Variants in LMF1 observed in about 807,000 individuals in gnomAD.
LMF1 encodes lipase maturation factor 1.
LMF1 carries 68 observed loss-of-function variants against 60.6 expected under a neutral mutation model. The ratio of observed to expected loss-of-function variants is 1.12; its 90% CI spans 0.92 to 1.37. The LOEUF (loss-of-function observed/expected upper bound fraction) is 1.37, where lower values mean the gene tolerates loss of function less well. Among genes scored for constraint, LMF1 ranks in the 40% most tolerant of loss-of-function variants. The pLI is 0.00. For synonymous variants in LMF1, 418 were observed against 324.7 expected, an observed-to-expected ratio of 1.29 and a Z score of -3.09; for missense variants, 948 against 767.2, an observed-to-expected ratio of 1.24 and a Z score of -2.78.
At position 946,077 on chromosome 16, in the gene LMF1, T is replaced by G. The variant is rs1234102330; in HGVS notation, c.503+8280A>C. ...AGTTCACCCCAAAACAAGCTAATGG[T>G]GGACACAGAGTTCACCAAGAAGTCA... On this transcript the variant is annotated intron_variant, in intron 2 of 10. Coordinates refer to ENST00000262301, the MANE Select transcript of LMF1 (RefSeq NM_022773.4). 2.6e-5 allele frequency among the ~76,000 whole-genome samples: 4 copies of G among 152,198 alleles called. 1 individual carries two copies. The highest frequency in any genetic ancestry group is 1.3e-4 in the Admixed American group (2 of 15,278).
At chr16:889,956 G>GGCCCTGCT (rs1343187549) in intron 5 of LMF1, among the ~76,000 whole-genome samples, 2 of 152,166 alleles carry the variant, frequency 1.3e-5, no homozygotes, top group Non-Finnish European at 2.9e-5. Context: ...GACACTGGCT[G>GGCCCTGCT]GCCCTGCTGC....
At position 957,226 on chromosome 16, in the gene LMF1, A is replaced by G. The variant is rs2072725699; in HGVS notation, c.194-2560T>C. ...ATTGCATAATGATAACAATATCACAAGAGCAACCCCACAAGTACATGCGGC... is the reference window on the plus strand; with the variant it reads ...ATTGCATAATGATAACAATATCACAGGAGCAACCCCACAAGTACATGCGGC... On this transcript the variant is annotated intron_variant, in intron 1 of 10. Coordinates refer to ENST00000262301, the MANE Select transcript of LMF1 (RefSeq NM_022773.4). 2.0e-5 allele frequency among the ~76,000 whole-genome samples: 3 copies of G among 152,236 alleles called. No homozygotes were observed. The South Asian group carries it at 6.2e-4, about 31-fold the overall frequency.
chr16:872,307 G>A (rs929935513), intron 6 of LMF1: 13 of 152,238 alleles, frequency 8.5e-5, no homozygotes, highest in African/African-American at 1.4e-4. Context: ...CGTAACTCAG[G>A]AGGAAGGTTG....
chr16:871,418 A>G, intron 6 of LMF1, 77 bp from the exon 7 acceptor site: 6 of 1,327,422 alleles, frequency 4.5e-6, no homozygotes, highest in South Asian at 1.3e-5. Flanking sequence ...CTCTTCCTGG[A>G]GCAGGGAGGG....
chr16:910,886 A>AT (rs1211452739), intron 4 of LMF1, 45 bp downstream of exon 4: 3 of 1,608,206 alleles, frequency 1.9e-6, no homozygotes, highest in Non-Finnish European at 2.5e-6. Flanking sequence ...AGGTTAGAAG[A>AT]GCCACCGTTA....
intron 6 of LMF1, among the ~76,000 whole-genome samples, chr16:877,250 C>CT (rs951059177): frequency 2.4e-4 from 37 of 152,254 alleles, no homozygotes; most frequent in African/African-American, 8.4e-4. Flanking sequence ...AATACTATGA[C>CT]TTTTTTTGCC....
chr16:936,576 G>A (rs1397326856), intron 2 of LMF1, among the ~76,000 whole-genome samples: 2 of 151,514 alleles, frequency 1.3e-5, no homozygotes, highest in African/African-American at 4.9e-5. Flanking sequence ...GGGAGGGAGA[G>A]AGGGCACCCC....
At chr16:942,438 T>A (rs148917930) in intron 2 of LMF1, among the ~76,000 whole-genome samples, 1 of 152,274 alleles carries the variant, frequency 6.6e-6, no homozygotes, top group East Asian at 1.9e-4. Flanking sequence ...ATCATTCAGC[T>A]ATTATTTCTT....
chr16:861,625 G>A (rs984943418), intron 10 of LMF1, among the ~76,000 whole-genome samples: 1 of 152,088 alleles, frequency 6.6e-6, no homozygotes. Flanking sequence ...CACAGTGCTG[G>A]GATTGCAGGT....
intron 3 of LMF1, among the ~76,000 whole-genome samples, chr16:920,866 C>T (rs572841946): frequency 4.6e-5 from 7 of 152,318 alleles, no homozygotes; most frequent in African/African-American, 4.8e-5. Context: ...GAGCCAGGCG[C>T]GGATCCTTCC....
intron 3 of LMF1, among the ~76,000 whole-genome samples, chr16:923,319 G>A (rs961407829): frequency 2.6e-5 from 4 of 152,182 alleles, no homozygotes; most frequent in Non-Finnish European, 4.4e-5. Flanking sequence ...GCTGTCCACA[G>A]TTCATTCCTC....
intron 5 of LMF1, among the ~76,000 whole-genome samples, chr16:880,907 G>A (rs951167455): frequency 6.6e-6 from 1 of 152,228 alleles, no homozygotes; most frequent in African/African-American, 2.4e-5. Context: ...GGGCCTGCCC[G>A]CATGCTGCTC....
intron 6 of LMF1, among the ~76,000 whole-genome samples, chr16:876,051 C>T (rs2069962586): frequency 6.6e-6 from 1 of 152,252 alleles, no homozygotes; most frequent in Admixed American, 6.5e-5. Context: ...GCCCTGGCCC[C>T]ACGCCTGTGC....
chr16:876,455 C>T (rs956079715), intron 6 of LMF1, among the ~76,000 whole-genome samples: 10 of 152,204 alleles, frequency 6.6e-5, no homozygotes, highest in Admixed American at 1.3e-4. Flanking sequence ...TCCTGTCAGC[C>T]GGGACTTTAG....
At position 876,641 on chromosome 16, in the gene LMF1, T is replaced by C. The variant is rs111950800; in HGVS notation, c.897+2929A>G. ...GTCAATTAATAAAACGAAACAGAGCTGAAACACTGGAGCAAAGGACGCAAG... is the reference window on the plus strand; with the variant it reads ...GTCAATTAATAAAACGAAACAGAGCCGAAACACTGGAGCAAAGGACGCAAG... On this transcript the variant is annotated intron_variant, in intron 6 of 10. Coordinates refer to ENST00000262301, the MANE Select transcript of LMF1 (RefSeq NM_022773.4). Among the ~76,000 whole-genome samples the C allele has an allele frequency of 7.5e-3, 1,136 of 151,392 alleles. 18 individuals carry two copies. The highest frequency in any genetic ancestry group is 0.026 in the African/African-American group (1,070 of 41,184).
chr16:934,807 C>A (rs904481705), intron 2 of LMF1, among the ~76,000 whole-genome samples: 6 of 152,194 alleles, frequency 3.9e-5, no homozygotes, highest in Non-Finnish European at 7.3e-5. Flanking sequence ...GGCAGAGCCG[C>A]GGGAAAGCAA....
At chr16:942,160 G>C (rs145866519) in intron 2 of LMF1, among the ~76,000 whole-genome samples, 108 of 152,284 alleles carry the variant, frequency 7.1e-4, no homozygotes, top group Admixed American at 2.6e-3. Flanking sequence ...TTTTGTTTTT[G>C]AAGGATATTG....
At chr16:963,442 G>A (rs1299517177) in intron 1 of LMF1, among the ~76,000 whole-genome samples, 2 of 152,068 alleles carry the variant, frequency 1.3e-5, no homozygotes, top group African/African-American at 4.8e-5. Flanking sequence ...GTGCACCTGT[G>A]CATGGATGCC....
At chr16:965,878 C>G (rs2072913225) in intron 1 of LMF1, among the ~76,000 whole-genome samples, 1 of 152,148 alleles carries the variant, frequency 6.6e-6, no homozygotes, top group African/African-American at 2.4e-5. Flanking sequence ...GCACATTTCA[C>G]TGAGCAGGAG....
Sources: allele counts gnomAD v4.1 joint callset (sites outside exome capture counted in the v4.1 genomes callset), GRCh38; gene constraint gnomAD v4.1.1; transcripts MANE v1.5; gene names NCBI Gene and HGNC (gene_info 2026-07-23, HGNC 2026-07-21).